VPS4B: variants seen among roughly 807,000 people sequenced by gnomAD.
The protein encoded by VPS4B is vacuolar protein sorting 4 homolog B.
Under a neutral mutation model 56.1 loss-of-function variants are expected in VPS4B, and 23 were observed. The observed-to-expected ratio is 0.41, with a 90% CI of 0.30 to 0.58. The LOEUF (loss-of-function observed/expected upper bound fraction) is 0.58. VPS4B is among the 20% of genes least tolerant of loss of function. The probability of loss-of-function intolerance (pLI) is 0.29; values close to 1 mark genes in which losing one functional copy is unlikely to be tolerated. For missense variants in VPS4B, 372 were observed against 531.9 expected, an observed-to-expected ratio of 0.70 and a Z score of 2.96; for synonymous variants, 177 against 186.0, an observed-to-expected ratio of 0.95 and a Z score of 0.39.
intron 1 of VPS4B, 86 bp downstream of exon 1, chr18:63,422,147 T>G: frequency 2.2e-6 from 3 of 1,357,398 alleles, no homozygotes; most frequent in Non-Finnish European, 2.9e-6. Flanking sequence ...CGCGGCCGCT[T>G]CCTCCCTTCT....
intron 5 of VPS4B, 55 bp downstream of exon 5, chr18:63,403,652 T>G: frequency 6.5e-7 from 1 of 1,526,860 alleles, no homozygotes; most frequent in South Asian, 1.2e-5. Flanking sequence ...TTCACCTCAG[T>G]CATCAATGAA....
At chr18:63,411,648 A>C in intron 1 of VPS4B, 70 bp from the exon 2 acceptor site, 2 of 1,134,290 alleles carry the variant, frequency 1.8e-6, no homozygotes, top group Non-Finnish European at 2.3e-6. Context: ...AAATAATCAT[A>C]CTGAAAGTTT....
chr18:63,406,909 A>T (rs1029571945), intron 4 of VPS4B, among the ~76,000 whole-genome samples: 1 of 152,224 alleles, frequency 6.6e-6, no homozygotes, highest in Non-Finnish European at 1.5e-5. Context: ...GCTATAGTAG[A>T]ACAGAATGAA....
rs980286737 is a variant in VPS4B at position 63,397,182 on chromosome 18, C to T, written c.944G>A (p.Gly315Glu). The T allele has an allele frequency of 1.1e-5, 17 of 1,613,908 alleles. No individual in the cohort carries two copies. Among genetic ancestry groups the T allele is most frequent in the Non-Finnish European group, 1.4e-5 (16 of 1,180,032 alleles). ...ARAAMFKLHL[G>E]TTQNSLTEAD... ...TTCCGTGAGACTGTTCTGAGTGGTC[C>T]CTAGGTGCAGTTTAAACATTGCTGC... Residue 315 changes from glycine (G) to glutamate (E), a missense_variant, in exon 9 of 11, where the codon GGG becomes GAG. Gly to Glu is a moderately conservative substitution (Grantham distance 98). Transcript: ENST00000238497.
chr18:63,394,958 G>A lies in VPS4B; in HGVS notation c.1093-1409C>T, dbSNP rs140545536. Among the ~76,000 whole-genome samples, 91 of 152,140 alleles carry A rather than the reference G, an allele frequency of 6.0e-4. No individual in the cohort carries two copies. The East Asian group carries it at 8.9e-3, about 15-fold the overall frequency. On this transcript the variant is annotated intron_variant, in intron 9 of 10. Transcript: ENST00000238497. Reference sequence around the variant, plus strand: ...CTGCTCTACTTTCTGATCTACCACCGGTCCCAGATTAGTATTTTAGAAATA... The same window carrying A: ...CTGCTCTACTTTCTGATCTACCACCAGTCCCAGATTAGTATTTTAGAAATA...
intron 5 of VPS4B, among the ~76,000 whole-genome samples, chr18:63,402,001 G>GAAACA (rs1218300406): frequency 2.6e-5 from 4 of 152,030 alleles, no homozygotes; most frequent in South Asian, 2.1e-4. Context: ...CTCAAAAAAA[G>GAAACA]AAACAAAACA....
At chr18:63,411,423 T>G (rs1264176326) in intron 2 of VPS4B, 44 bp downstream of exon 2, 1 of 1,369,190 alleles carries the variant, frequency 7.3e-7, no homozygotes, top group East Asian at 2.5e-5. Flanking sequence ...CAGAATAAAT[T>G]TTCCTTTTCG....
chr18:63,407,544 T>A (rs1915944513), intron 3 of VPS4B, 45 bp from the exon 4 acceptor site: 4 of 1,461,552 alleles, frequency 2.7e-6, no homozygotes, highest in Non-Finnish European at 3.7e-6. Context: ...CTCATTGCTA[T>A]CAAATAAGGC....
At chr18:63,401,452 C>T (rs977939246) in intron 5 of VPS4B, among the ~76,000 whole-genome samples, 2 of 152,030 alleles carry the variant, frequency 1.3e-5, no homozygotes, top group African/African-American at 4.8e-5. Flanking sequence ...CGGGGTTTTA[C>T]CATGTTGGTC....
intron 9 of VPS4B, among the ~76,000 whole-genome samples, chr18:63,395,653 T>C (rs1915653327): frequency 2.0e-5 from 3 of 152,244 alleles, no homozygotes; most frequent in Admixed American, 6.5e-5. Flanking sequence ...TTAGGTTTGC[T>C]AATAGTTTTT....
intron 5 of VPS4B, among the ~76,000 whole-genome samples, chr18:63,402,641 A>C (rs1344063242): frequency 6.6e-6 from 1 of 152,248 alleles, no homozygotes; most frequent in Admixed American, 6.5e-5. Flanking sequence ...AAATTCATGA[A>C]GATGATACAT....
At chr18:63,422,064 T>A (rs560229682) in intron 1 of VPS4B, among the ~76,000 whole-genome samples, 169 bp downstream of exon 1, 1 of 152,268 alleles carries the variant, frequency 6.6e-6, no homozygotes, top group East Asian at 1.9e-4. Flanking sequence ...AAACGACCTT[T>A]CCGTTGGAAA....
rs200579231 is a variant in VPS4B, at chr18:63,403,841, G to A, written c.365-15C>T. The A allele has an allele frequency of 7.4e-5, 117 of 1,591,798 alleles. 1 individual carries two copies. Among genetic ancestry groups the A allele is most frequent in the East Asian group, 7.2e-4 (32 of 44,540 alleles). On this transcript the variant is annotated splice_polypyrimidine_tract_variant and intron_variant, in intron 4 of 10. Coordinates refer to ENST00000238497, the MANE Select transcript of VPS4B (RefSeq NM_004869.4). ...AACAATGGCACCTGCAAAAAATTAC[G>A]TTATCTTTAAATTAAGAAAGACTAT...
intron 1 of VPS4B, among the ~76,000 whole-genome samples, chr18:63,412,598 C>T (rs1270536291): frequency 6.6e-6 from 1 of 152,088 alleles, no homozygotes; most frequent in Non-Finnish European, 1.5e-5. Flanking sequence ...TAAGCATACA[C>T]CTAAAAGAAT....
At chr18:63,415,900 C>G (rs112589500) in intron 1 of VPS4B, 1 of 203,300 alleles carries the variant, frequency 4.9e-6, no homozygotes. Context: ...GCCTAGAGGT[C>G]CGTACAGCAG....
At chr18:63,396,359 T>G (rs1190733374) in intron 9 of VPS4B, 2 of 152,240 alleles carry the variant, frequency 1.3e-5, no homozygotes, top group African/African-American at 4.8e-5. Flanking sequence ...CTCAAGAGAT[T>G]CTCCCACTTC....
chr18:63,418,621 G>A (rs185379662), intron 1 of VPS4B, among the ~76,000 whole-genome samples: 97 of 152,196 alleles, frequency 6.4e-4, no homozygotes, highest in African/African-American at 2.1e-3. Flanking sequence ...GACTGGTCTC[G>A]AAGTCCTAAG....
At chr18:63,411,363 G>T in intron 2 of VPS4B, 104 bp downstream of exon 2, 3 of 788,240 alleles carry the variant, frequency 3.8e-6, no homozygotes, top group South Asian at 4.7e-5. Context: ...TTTAACAAAT[G>T]GATCGTTTAG....
intron 10 of VPS4B, among the ~76,000 whole-genome samples, chr18:63,393,000 C>T (rs1250806062): frequency 6.6e-6 from 1 of 152,154 alleles, no homozygotes; most frequent in Non-Finnish European, 1.5e-5. Flanking sequence ...CCCGCCTTGG[C>T]CTCCCAAAGT....
Sources: gnomAD v4.1 joint callset for allele counts (sites outside exome capture counted in the v4.1 genomes callset) on GRCh38, gnomAD v4.1.1 for gene constraint, MANE v1.5 for transcripts, NCBI Gene and HGNC (gene_info 2026-07-23, HGNC 2026-07-21) for gene names.